Variants in KLHL32 observed in about 807,000 individuals in gnomAD.
The protein encoded by KLHL32 is kelch-like protein 32.
In KLHL32, 35 loss-of-function variants were observed where a neutral mutation model predicts 64.8. That is an observed-to-expected ratio of 0.54 (90% CI 0.41 to 0.72). The LOEUF (loss-of-function observed/expected upper bound fraction) is 0.72, where lower values mean the gene tolerates loss of function less well. Among genes scored for constraint, KLHL32 ranks in the 30% least tolerant of loss-of-function variants. The probability of loss-of-function intolerance (pLI) is 0.00; values close to 1 mark genes in which losing one functional copy is unlikely to be tolerated. For synonymous variants in KLHL32, 259 were observed against 281.0 expected (o/e 0.92, Z 0.78); for missense variants, 589 against 768.5 (o/e 0.77, Z 2.76).
intron 3 of KLHL32, among the ~76,000 whole-genome samples, chr6:97,021,393 C>T (rs1263959819): frequency 2.0e-5 from 3 of 150,760 alleles, no homozygotes; most frequent in Admixed American, 1.3e-4. Context: ...AGCTGGCAGG[C>T]GTGAGACCCA....
chr6:96,995,789 C>T (rs17057182), intron 3 of KLHL32, among the ~76,000 whole-genome samples: 23,920 of 152,162 alleles, frequency 0.16, 2,144 homozygotes, highest in East Asian at 0.38. Flanking sequence ...CCTCTGCCAC[C>T]GCGTTAAGTT....
chr6:96,925,440 A>C (rs573567926), intron 1 of KLHL32, among the ~76,000 whole-genome samples: 62 of 152,314 alleles, frequency 4.1e-4, no homozygotes, highest in South Asian at 1.5e-3. Context: ...AACTTCAAGA[A>C]AAGCCGTAAT....
chr6:97,102,810 C>T (rs928639055), intron 6 of KLHL32, among the ~76,000 whole-genome samples: 3 of 151,558 alleles, frequency 2.0e-5, no homozygotes, highest in Non-Finnish European at 2.9e-5. Context: ...TTTGTATATA[C>T]TAGATATGGG....
At chr6:96,968,393 A>AC (rs972923958) in intron 2 of KLHL32, among the ~76,000 whole-genome samples, 2 of 150,236 alleles carry the variant, frequency 1.3e-5, no homozygotes, top group African/African-American at 2.5e-5. Flanking sequence ...AACAAAAACA[A>AC]AAAAAAAAAC....
chr6:97,105,251 G>A (rs537960417), intron 6 of KLHL32, among the ~76,000 whole-genome samples: 1 of 152,152 alleles, frequency 6.6e-6, no homozygotes, highest in Non-Finnish European at 1.5e-5. Context: ...TAAAGAGCAT[G>A]CTCGATACTC....
At position 97,139,237 on chromosome 6, in the gene KLHL32, C is replaced by A; in HGVS notation, c.1818C>A (p.Asn606Lys). 1.2e-6 allele frequency: 2 copies of A among 1,614,048 alleles called. No individual in the cohort carries two copies. The highest frequency in any genetic ancestry group is 1.7e-6 in the Non-Finnish European group (2 of 1,179,942). The change falls in exon 11 of 11, where the codon AAC (asparagine) becomes AAA (lysine). Residue 606 changes from asparagine to lysine, a missense_variant. This residue lies in a region of KLHL32 where 172 missense variants were observed against 192.0 expected (regional missense o/e 0.90). Coordinates refer to ENST00000369261, the MANE Select transcript of KLHL32 (RefSeq NM_052904.4). ...FLPAPYFTCPNLQTLQVPHHR... is the reference protein window; with the variant it reads ...FLPAPYFTCPKLQTLQVPHHR... ...CAGCTCCATATTTTACATGCCCTAA[C>A]CTTCAAACTCTTCAAGTGCCTCATC... is the stretch of plus-strand genomic sequence containing the variant.
chr6:96,959,745 G>A (rs574768177), intron 1 of KLHL32, among the ~76,000 whole-genome samples: 19 of 152,058 alleles, frequency 1.2e-4, no homozygotes, highest in Non-Finnish European at 2.5e-4. Context: ...TCTGATCCTT[G>A]GCCTTTGGTT....
intron 5 of KLHL32, among the ~76,000 whole-genome samples, chr6:97,072,654 T>G (rs1423693111): frequency 6.6e-6 from 1 of 152,100 alleles, no homozygotes; most frequent in African/African-American, 2.4e-5. Context: ...CTAATCCTCT[T>G]CATACGAAAC....
chr6:96,942,280 C>T (rs1771391995), intron 1 of KLHL32, among the ~76,000 whole-genome samples: 1 of 152,178 alleles, frequency 6.6e-6, no homozygotes, highest in African/African-American at 2.4e-5. Flanking sequence ...CCTCACCATC[C>T]TTTCCAGCTA....
At chr6:97,009,609 T>A (rs192281805) in intron 3 of KLHL32, among the ~76,000 whole-genome samples, 130 of 152,342 alleles carry the variant, frequency 8.5e-4, no homozygotes, top group Non-Finnish European at 7.1e-4. Context: ...ACATGCTTTG[T>A]TGTTGTTGTT....
chr6:97,002,001 CT>C (rs1779096759), intron 3 of KLHL32, among the ~76,000 whole-genome samples: 1 of 152,172 alleles, frequency 6.6e-6, no homozygotes, highest in African/African-American at 2.4e-5. Context: ...GATAACTCTA[CT>C]GTAAAGAACT....
chr6:97,079,661 T>C (rs9487918), intron 5 of KLHL32, among the ~76,000 whole-genome samples: 2,857 of 152,218 alleles, frequency 0.019, 96 homozygotes, highest in African/African-American at 0.066. Context: ...ACACATTTTA[T>C]GGCTCCTCTT....
chr6:97,097,927 A>G (rs1381078063), intron 6 of KLHL32, among the ~76,000 whole-genome samples: 3 of 152,336 alleles, frequency 2.0e-5, no homozygotes, highest in African/African-American at 7.2e-5. Context: ...GCCCCATTCT[A>G]TCACTAGCAT....
upstream of KLHL32, among the ~76,000 whole-genome samples, chr6:96,921,681 T>C (rs985142426): frequency 3.3e-5 from 5 of 152,208 alleles, no homozygotes; most frequent in African/African-American, 1.2e-4. Context: ...AGGAGGCAGC[T>C]ATCAGGAATT....
intron 3 of KLHL32, among the ~76,000 whole-genome samples, chr6:96,995,574 C>T (rs564705938): frequency 2.0e-5 from 3 of 152,284 alleles, no homozygotes; most frequent in African/African-American, 7.2e-5. Context: ...CCCTTTGTTC[C>T]CTTGTCTGTT....
chr6:96,949,634 A>G (rs1772328743), intron 1 of KLHL32, among the ~76,000 whole-genome samples: 1 of 152,216 alleles, frequency 6.6e-6, no homozygotes, highest in African/African-American at 2.4e-5. Context: ...ATTATTAATG[A>G]CATCTCTCAT....
At chr6:97,050,325 C>G (rs944147467) in intron 4 of KLHL32, among the ~76,000 whole-genome samples, 1 of 152,112 alleles carries the variant, frequency 6.6e-6, no homozygotes, top group African/African-American at 2.4e-5. Context: ...TGCCACACAC[C>G]CCAACAGGAT....
chr6:97,083,209 G>C (rs982185973), intron 5 of KLHL32, among the ~76,000 whole-genome samples: 8 of 152,060 alleles, frequency 5.3e-5, no homozygotes, highest in Non-Finnish European at 5.9e-5. Flanking sequence ...GACCAATATG[G>C]TGAAACCCCA....
chr6:96,995,506 C>A lies in KLHL32; in HGVS notation c.204+19329C>A, dbSNP rs114919274. ...TGCTAAGGTATTCCTGAGCCCCTCA[C>A]TTCCTGCCTACCAGGCTCCAGGAGT... On this transcript the variant is annotated intron_variant, in intron 3 of 10. Coordinates refer to ENST00000369261, the MANE Select transcript of KLHL32 (RefSeq NM_052904.4). 4.0e-3 allele frequency among the ~76,000 whole-genome samples: 602 copies of A among 152,306 alleles called. 4 individuals carry two copies. Among genetic ancestry groups the A allele is most frequent in the African/African-American group, 0.013 (554 of 41,560 alleles).
Sources: allele counts gnomAD v4.1 joint callset (sites outside exome capture counted in the v4.1 genomes callset), GRCh38; gene constraint gnomAD v4.1.1; regional missense constraint gnomAD v4.1.1; transcripts MANE v1.5; gene names NCBI Gene and HGNC (gene_info 2026-07-23, HGNC 2026-07-21).